DLG2: variants seen among roughly 807,000 people sequenced by gnomAD.
The protein encoded by DLG2 is disks large homolog 2.
DLG2 carries 45 observed loss-of-function variants against 132.5 expected under a neutral mutation model. The observed-to-expected ratio is 0.34, with a 90% CI of 0.27 to 0.44. The LOEUF is 0.44. Ranked by LOEUF, DLG2 falls within the 20% of genes least tolerant of loss-of-function variation. The pLI is 1.00. For missense variants in DLG2, 1,045 were observed against 1,196.9 expected, an observed-to-expected ratio of 0.87 and a Z score of 1.87; for synonymous variants, 424 against 419.6, an observed-to-expected ratio of 1.01 and a Z score of -0.13.
intron 7 of DLG2, among the ~76,000 whole-genome samples, chr11:84,402,585 A>C (rs1273718466): frequency 6.6e-6 from 1 of 152,118 alleles, no homozygotes; most frequent in East Asian, 1.9e-4. Context: ...TGGCAATAAA[A>C]AAAAATTAAC....
At chr11:84,385,309 A>T (rs144425308) in intron 7 of DLG2, among the ~76,000 whole-genome samples, 158 of 152,206 alleles carry the variant, frequency 1.0e-3, no homozygotes, top group Middle Eastern at 3.4e-3. Flanking sequence ...CACAGCCCCA[A>T]ATGAATATTA....
At chr11:84,562,019 C>A (rs991961116) in intron 6 of DLG2, among the ~76,000 whole-genome samples, 1 of 151,836 alleles carries the variant, frequency 6.6e-6, no homozygotes, top group Non-Finnish European at 1.5e-5. Context: ...AATACATACC[C>A]CTTATGTAAC....
chr11:84,192,623 G>T (rs192972340), intron 8 of DLG2, among the ~76,000 whole-genome samples: 3 of 152,038 alleles, frequency 2.0e-5, no homozygotes, highest in Admixed American at 1.3e-4. Context: ...CCAGCTACTC[G>T]GGAGGCTGAG....
intron 6 of DLG2, among the ~76,000 whole-genome samples, chr11:84,980,508 C>A (rs2055584089): frequency 6.6e-6 from 1 of 152,146 alleles, no homozygotes; most frequent in African/African-American, 2.4e-5. Context: ...AATAAGAAAG[C>A]TTTCATCACA....
At chr11:85,132,971 G>A in intron 5 of DLG2, 1 of 356,608 alleles carries the variant, frequency 2.8e-6, no homozygotes, top group Non-Finnish European at 5.6e-6. Context: ...TACAGCTCAA[G>A]GCAAGCAGGA....
intron 6 of DLG2, among the ~76,000 whole-genome samples, chr11:85,067,649 C>T (rs1220820475): frequency 7.9e-5 from 12 of 151,652 alleles, no homozygotes; most frequent in Admixed American, 4.6e-4. Context: ...AATTAATAGC[C>T]GACCAATCAA....
At chr11:84,797,929 G>A (rs775384918) in intron 6 of DLG2, among the ~76,000 whole-genome samples, 4 of 152,248 alleles carry the variant, frequency 2.6e-5, no homozygotes, top group South Asian at 2.1e-4. Flanking sequence ...ACTCACAGAG[G>A]TACCACTATG....
At chr11:84,463,429 G>T (rs1184286724) in intron 7 of DLG2, among the ~76,000 whole-genome samples, 1 of 151,098 alleles carries the variant, frequency 6.6e-6, no homozygotes, top group African/African-American at 2.4e-5. Context: ...TTGTAGGTTG[G>T]TCATATCTGA....
At chr11:85,089,557 C>T (rs565199660) in intron 6 of DLG2, among the ~76,000 whole-genome samples, 101 of 152,182 alleles carry the variant, frequency 6.6e-4, no homozygotes, top group African/African-American at 2.4e-3. Context: ...GGATTCCGTG[C>T]CTTTGCTATT....
chr11:84,831,089 C>T (rs573223656), intron 6 of DLG2, among the ~76,000 whole-genome samples: 3 of 151,076 alleles, frequency 2.0e-5, no homozygotes, highest in East Asian at 2.0e-4. Flanking sequence ...TCTTTGAGAA[C>T]ATGCATTTCT....
chr11:83,464,461 G>A (rs980152905), intron 26 of DLG2, among the ~76,000 whole-genome samples: 34 of 152,214 alleles, frequency 2.2e-4, no homozygotes, highest in Non-Finnish European at 4.7e-4. Flanking sequence ...TTGGAAAAGA[G>A]TGAACTGTAA....
At chr11:84,738,813 C>G (rs1032717622) in intron 6 of DLG2, among the ~76,000 whole-genome samples, 1 of 152,170 alleles carries the variant, frequency 6.6e-6, no homozygotes, top group South Asian at 2.1e-4. Context: ...TCTACACAGT[C>G]TGCAGCTTTT....
intron 18 of DLG2, among the ~76,000 whole-genome samples, chr11:83,785,505 C>T (rs1294130641): frequency 6.6e-6 from 1 of 152,220 alleles, no homozygotes; most frequent in Non-Finnish European, 1.5e-5. Flanking sequence ...TCTCCTCTTT[C>T]CCACTCTCTG....
At chr11:83,527,900 T>C (rs1463457519) in intron 21 of DLG2, among the ~76,000 whole-genome samples, 5 of 152,158 alleles carry the variant, frequency 3.3e-5, no homozygotes, top group Non-Finnish European at 7.4e-5. Context: ...TGCAATTTCC[T>C]AAACCTCTCA....
intron 6 of DLG2, among the ~76,000 whole-genome samples, chr11:84,663,618 G>A (rs760881045): frequency 1.3e-5 from 2 of 151,818 alleles, no homozygotes; most frequent in Admixed American, 6.6e-5. Context: ...AGTTTCTTTA[G>A]GACTGTCTTA....
intron 8 of DLG2, among the ~76,000 whole-genome samples, chr11:84,210,319 T>C (rs1379089704): frequency 7.0e-6 from 1 of 142,000 alleles, no homozygotes; most frequent in Non-Finnish European, 1.5e-5. Flanking sequence ...AAAACATATG[T>C]CCACAAAGTG....
At chr11:85,621,795 GTGAACATTGTT>G (rs1486786310) in intron 2 of DLG2, among the ~76,000 whole-genome samples, 2 of 152,324 alleles carry the variant, frequency 1.3e-5, no homozygotes. Flanking sequence ...TGAAGATGTT[GTGAACATTGTT>G]TGAAATGGCA....
At chr11:83,753,640 A>C (rs1364556558) in intron 18 of DLG2, among the ~76,000 whole-genome samples, 1 of 144,838 alleles carries the variant, frequency 6.9e-6, no homozygotes, top group Non-Finnish European at 1.5e-5. Flanking sequence ...AATTGATATA[A>C]AATATATCAA....
chr11:85,529,192 A>G (rs1011541182), intron 3 of DLG2, among the ~76,000 whole-genome samples: 1 of 152,216 alleles, frequency 6.6e-6, no homozygotes, highest in Non-Finnish European at 1.5e-5. Context: ...ATGTAGGAGC[A>G]TACAGATGGA....
Sources: gnomAD v4.1 joint callset for allele counts (sites outside exome capture counted in the v4.1 genomes callset) on GRCh38, gnomAD v4.1.1 for gene constraint, MANE v1.5 for transcripts, NCBI Gene and HGNC (gene_info 2026-07-23, HGNC 2026-07-21) for gene names.